ARMC10: variants seen among roughly 807,000 people sequenced by gnomAD.
ARMC10 encodes armadillo repeat containing 10.
In ARMC10, 23 loss-of-function variants were observed where a neutral mutation model predicts 30.2. The observed-to-expected ratio is 0.76, with a 90% CI of 0.55 to 1.08. The LOEUF (loss-of-function observed/expected upper bound fraction) is 1.08. Among genes scored for constraint, ARMC10 ranks in the 50% least tolerant of loss-of-function variants. The pLI is 0.00. For synonymous variants in ARMC10, 111 were observed against 164.4 expected (o/e 0.68, Z 2.48); for missense variants, 303 against 413.7 (o/e 0.73, Z 2.32).
At chr7:103,092,330 C>CAG in intron 4 of ARMC10, 147 bp from the exon 5 acceptor site, 1 of 231,904 alleles carries the variant, frequency 4.3e-6, no homozygotes, top group Non-Finnish European at 7.2e-6. Flanking sequence ...GACTCCGTCT[C>CAG]AAAAAAAAAA....
chr7:103,084,082 G>A (rs1211591811), intron 3 of ARMC10: 8 of 1,434,258 alleles, frequency 5.6e-6, no homozygotes, highest in East Asian at 6.0e-5. Context: ...TCTAATCAAC[G>A]TTTACCATTT....
At chr7:103,075,695 C>T in intron 1 of ARMC10, 82 bp from the exon 2 acceptor site, 1 of 1,066,470 alleles carries the variant, frequency 9.4e-7, no homozygotes, top group Non-Finnish European at 1.3e-6. Context: ...TTGCTCCGGG[C>T]CTTTGTGTAA....
intron 5 of ARMC10, among the ~76,000 whole-genome samples, chr7:103,094,268 C>G (rs1362969072): frequency 6.6e-6 from 1 of 152,146 alleles, no homozygotes; most frequent in African/African-American, 2.4e-5. Flanking sequence ...CTTGTTACAT[C>G]CTCAATGAAA....
intron 5 of ARMC10, among the ~76,000 whole-genome samples, chr7:103,093,937 A>G (rs939992998): frequency 1.3e-5 from 2 of 152,178 alleles, no homozygotes; most frequent in African/African-American, 4.8e-5. Flanking sequence ...TTTCCATTAC[A>G]TTGCTTAGTA....
rs776469655 is a variant in ARMC10 at position 103,075,358 on chromosome 7, G to C, written c.86G>C (p.Arg29Pro). The C allele has an allele frequency of 7.8e-7, 1 of 1,276,032 alleles. No homozygotes were observed. The highest frequency in any genetic ancestry group is 9.9e-7 in the Non-Finnish European group (1 of 1,009,986). The allele number at this position is 1,276,032 out of a possible 1,614,324, so 79.0% of individuals were successfully genotyped here. Reference sequence around the variant, plus strand: ...TGCTACTGCATTTACAGGCTGACCCGGGGTCGGCGGCGGGGCGACCGCGAG... The same window carrying C: ...TGCTACTGCATTTACAGGCTGACCCCGGGTCGGCGGCGGGGCGACCGCGAG... Reference protein sequence around the residue: ...GACYCIYRLTRGRRRGDRELG... With the variant: ...GACYCIYRLTPGRRRGDRELG... Residue 29 changes from arginine to proline, a missense_variant, in exon 1 of 7, where the codon CGG becomes CCG. By Grantham distance (103) the Arg-to-Pro change is moderately radical. Coordinates refer to ENST00000323716, the MANE Select transcript of ARMC10 (RefSeq NM_031905.5).
chr7:103,084,724 G>A (rs950683614), intron 3 of ARMC10, among the ~76,000 whole-genome samples: 1 of 152,188 alleles, frequency 6.6e-6, no homozygotes, highest in African/African-American at 2.4e-5. Flanking sequence ...TCAATTTTAT[G>A]TATTGGTCTT....
intron 4 of ARMC10, chr7:103,087,670 A>G (rs538567187): frequency 1.6e-6 from 1 of 641,890 alleles, no homozygotes; most frequent in Non-Finnish European, 1.9e-6. Flanking sequence ...ATGAAGAAAA[A>G]AACAACAAAT....
intron 2 of ARMC10, among the ~76,000 whole-genome samples, chr7:103,082,475 A>C (rs1800470603): frequency 6.8e-6 from 1 of 147,178 alleles, no homozygotes; most frequent in East Asian, 2.0e-4. Context: ...ACTACCCAAA[A>C]ATAATCACCT....
intron 3 of ARMC10, among the ~76,000 whole-genome samples, chr7:103,085,919 G>T (rs1251324728): frequency 6.6e-6 from 1 of 152,020 alleles, no homozygotes; most frequent in Non-Finnish European, 1.5e-5. Context: ...CTGGCCCTGG[G>T]TACCATTTTT....
chr7:103,096,898 G>C (rs1340903888), intron 5 of ARMC10: 2 of 222,462 alleles, frequency 9.0e-6, no homozygotes, highest in Non-Finnish European at 1.8e-5. Context: ...CTATCTCCCT[G>C]ACATTATAAT....
chr7:103,096,908 T>C (rs1801804237), intron 5 of ARMC10: 1 of 233,638 alleles, frequency 4.3e-6, no homozygotes, highest in East Asian at 8.5e-5. Flanking sequence ...GACATTATAA[T>C]TGGGAAAAAT....
At chr7:103,085,713 C>G (rs1051789439) in intron 3 of ARMC10, among the ~76,000 whole-genome samples, 1 of 151,068 alleles carries the variant, frequency 6.6e-6, no homozygotes, top group African/African-American at 2.4e-5. Flanking sequence ...CTCCCAGGTT[C>G]AAGCGATTCT....
In ARMC10 at chr7:103,097,138, C is replaced by T. The variant is rs919689421; in HGVS notation, c.706-139C>T. On this transcript the variant is annotated intron_variant, in intron 5 of 6. Transcript: ENST00000323716. The stretch of plus-strand genomic sequence containing the variant: ...AAAGTAGAATGAACGGAGAAGGTTT[C>T]CTGGAGTAGAGAGAATTTGAGCCAG... 1.1e-5 allele frequency: 8 copies of T among 703,816 alleles called. No homozygotes were observed. The African/African-American group carries it at 1.4e-4, about 13-fold the overall frequency. The allele number at this position is 703,816 out of a possible 1,614,324, so 43.6% of individuals were successfully genotyped here.
At chr7:103,092,960 AC>A (rs1801477169) in intron 5 of ARMC10, among the ~76,000 whole-genome samples, 1 of 150,480 alleles carries the variant, frequency 6.6e-6, no homozygotes, top group African/African-American at 2.4e-5. Flanking sequence ...TATTTTGCTT[AC>A]CTCAGGGTTA....
intron 4 of ARMC10, among the ~76,000 whole-genome samples, chr7:103,087,479 A>G (rs944364210): frequency 6.6e-6 from 1 of 152,238 alleles, no homozygotes; most frequent in Non-Finnish European, 1.5e-5. Flanking sequence ...GCCAACAGTT[A>G]AAACACTTCA....
rs1157669193 is a variant in ARMC10 at position 103,083,747 on chromosome 7, C to G, written c.310C>G (p.Leu104Val). ...TGAACAACTTCAGAAACTCCTTTAC[C>G]TGCTGGAGTCAACGGAGGATCCTGT... ...NAEQLQKLLY[L>V]LESTEDPVII... Residue 104 changes from leucine (L) to valine (V), a missense_variant, in exon 3 of 7, where the codon CTG becomes GTG. Around this residue, in one of 4 missense-constraint regions of ARMC10, gnomAD observed 170 missense variants for 207.2 expected, o/e 0.82. Coordinates refer to ENST00000323716, the MANE Select transcript of ARMC10 (RefSeq NM_031905.5). 1 of 1,613,714 alleles carries G rather than the reference C, an allele frequency of 6.2e-7. No homozygotes were observed. Among genetic ancestry groups the G allele is most frequent in the Admixed American group, 1.7e-5 (1 of 60,022 alleles).
chr7:103,089,183 A>C, intron 4 of ARMC10: 1 of 253,216 alleles, frequency 3.9e-6, no homozygotes, highest in Middle Eastern at 4.7e-4. Context: ...CACTAGCCCC[A>C]TGAACCAGAA....
At chr7:103,098,240 C>A in intron 6 of ARMC10, 59 bp from the exon 7 acceptor site, 1 of 1,216,098 alleles carries the variant, frequency 8.2e-7, no homozygotes, top group African/African-American at 1.6e-5. Flanking sequence ...TTAAAATATA[C>A]ATGAAAAAGT....
chr7:103,077,625 T>TC (rs1800006121), intron 2 of ARMC10, among the ~76,000 whole-genome samples: 2 of 152,294 alleles, frequency 1.3e-5, no homozygotes, highest in African/African-American at 4.8e-5. Context: ...CTTAAAGGCC[T>TC]TACCTCTCAA....
Sources: gnomAD v4.1 joint callset for allele counts (sites outside exome capture counted in the v4.1 genomes callset) on GRCh38, gnomAD v4.1.1 for gene constraint, gnomAD v4.1.1 regional missense constraint, MANE v1.5 for transcripts, NCBI Gene and HGNC (gene_info 2026-07-23, HGNC 2026-07-21) for gene names.